RAB3C: variants seen among roughly 807,000 people sequenced by gnomAD.
RAB3C encodes the protein ras-related protein Rab-3C.
Under a neutral mutation model 26.4 loss-of-function variants are expected in RAB3C, and 17 were observed. That is an observed-to-expected ratio of 0.64 (90% CI 0.44 to 0.97). The LOEUF is 0.97. RAB3C is among the 50% of genes least tolerant of loss of function. The probability of loss-of-function intolerance (pLI) is 0.00; values close to 1 mark genes in which losing one functional copy is unlikely to be tolerated. For synonymous variants in RAB3C, 91 were observed against 95.9 expected (o/e 0.95, Z 0.30); for missense variants, 242 against 281.9 (o/e 0.86, Z 1.01).
chr5:58,750,910 A>C (rs1261455108), intron 3 of RAB3C, among the ~76,000 whole-genome samples: 1 of 151,854 alleles, frequency 6.6e-6, no homozygotes, highest in East Asian at 1.9e-4. Flanking sequence ...GCTGGAATGC[A>C]GTGGCGTGAT....
chr5:58,799,435 T>A (rs999294430), intron 3 of RAB3C, among the ~76,000 whole-genome samples: 1 of 152,118 alleles, frequency 6.6e-6, no homozygotes, highest in Non-Finnish European at 1.5e-5. Context: ...GCTTGAGGTG[T>A]CCCAGCTAGT....
intron 3 of RAB3C, chr5:58,794,210 A>G (rs1002561941): frequency 2.6e-5 from 4 of 152,140 alleles, no homozygotes. Context: ...AGAAGTGTAT[A>G]AAACTGTTTT....
At chr5:58,654,570 T>C (rs1003221915) in intron 2 of RAB3C, among the ~76,000 whole-genome samples, 9 of 152,178 alleles carry the variant, frequency 5.9e-5, no homozygotes, top group Non-Finnish European at 1.2e-4. Context: ...GAAATCTTCA[T>C]ATTTAGATGA....
At chr5:58,635,265 T>A (rs292983) in intron 2 of RAB3C, among the ~76,000 whole-genome samples, 112,651 of 152,108 alleles carry the variant, frequency 0.74, 42,038 homozygotes, top group East Asian at 0.83. Context: ...AAGTTTAAGA[T>A]CAAATGCATA....
chr5:58,638,264 G>A (rs1561274950), intron 2 of RAB3C, among the ~76,000 whole-genome samples: 1 of 152,066 alleles, frequency 6.6e-6, no homozygotes, highest in Admixed American at 6.5e-5. Context: ...CTTTTGAGGT[G>A]TCTTTTCATT....
In RAB3C at chr5:58,646,881, C is replaced by T. The variant is rs146143465; in HGVS notation, c.252+29011C>T. Among the ~76,000 whole-genome samples the T allele has an allele frequency of 6.4e-3, 969 of 151,978 alleles. 5 individuals are homozygous for T. Among genetic ancestry groups the T allele is most frequent in the Admixed American group, 0.01 (157 of 15,238 alleles). ...ATTCTCCTCAAGCTGCCCCTTGGCA[C>T]CTTCTGCTGTATAGTTTTAAAGTGT... is the stretch of plus-strand genomic sequence containing the variant. On this transcript the variant is annotated intron_variant, in intron 2 of 4. Coordinates refer to ENST00000282878, the MANE Select transcript of RAB3C (RefSeq NM_138453.4).
At chr5:58,758,431 C>T (rs1741722164) in intron 3 of RAB3C, among the ~76,000 whole-genome samples, 1 of 152,076 alleles carries the variant, frequency 6.6e-6, no homozygotes, top group Admixed American at 6.6e-5. Flanking sequence ...TGTTTTTCCT[C>T]ATATATATAG....
At chr5:58,600,226 T>C (rs1746420935) in intron 1 of RAB3C, among the ~76,000 whole-genome samples, 1 of 152,216 alleles carries the variant, frequency 6.6e-6, no homozygotes, top group Non-Finnish European at 1.5e-5. Context: ...AGTACCATGA[T>C]GTTTTGGTGA....
At chr5:58,752,938 T>C (rs913717434) in intron 3 of RAB3C, among the ~76,000 whole-genome samples, 1 of 152,214 alleles carries the variant, frequency 6.6e-6, no homozygotes, top group East Asian at 1.9e-4. Context: ...TTTATGACAG[T>C]TGGAATGAGA....
rs147530900 is a variant in RAB3C, at chr5:58,588,106, G to C, written c.24+4874G>C. Reference sequence around the variant, plus strand: ...ATATACTTTTAAAATTCATTATCCTGTTTATGAACTTGGAGGTAATTTCTA... The same window carrying C: ...ATATACTTTTAAAATTCATTATCCTCTTTATGAACTTGGAGGTAATTTCTA... On this transcript the variant is annotated intron_variant, in intron 1 of 4. Coordinates refer to ENST00000282878, the MANE Select transcript of RAB3C (RefSeq NM_138453.4). Among the ~76,000 whole-genome samples the C allele has an allele frequency of 4.9e-3, 744 of 152,090 alleles. 6 individuals are homozygous for C. Among genetic ancestry groups the C allele is most frequent in the African/African-American group, 0.017 (704 of 41,486 alleles).
At chr5:58,637,620 G>T (rs1429360724) in intron 2 of RAB3C, among the ~76,000 whole-genome samples, 1 of 152,132 alleles carries the variant, frequency 6.6e-6, no homozygotes, top group Non-Finnish European at 1.5e-5. Flanking sequence ...AGAAAAAGTA[G>T]TTGGAGCTAC....
Position 58,825,095 on chromosome 5 carries a change from C to T in RAB3C, c.429C>T (p.Asn143=), listed in dbSNP as rs1223632243. ...ATGCCCAAGTTATTCTGGTTGGGAA[C>T]AAGTGTGACATGGAAGACGAGCGGG... ...WDNAQVILVG[N]KCDMEDERVI... Residue 143 remains asparagine (N), a synonymous_variant, in exon 4 of 5, where the codon AAC becomes AAT. Coordinates refer to ENST00000282878, the MANE Select transcript of RAB3C (RefSeq NM_138453.4). 1 of 1,613,486 alleles carries T rather than the reference C, an allele frequency of 6.2e-7. No individual in the cohort carries two copies. The highest frequency in any genetic ancestry group is 8.5e-7 in the Non-Finnish European group (1 of 1,179,598).
chr5:58,762,710 C>A (rs1029389895), intron 3 of RAB3C, among the ~76,000 whole-genome samples: 2 of 152,126 alleles, frequency 1.3e-5, no homozygotes, highest in Non-Finnish European at 2.9e-5. Context: ...AAATAAATAA[C>A]TTATTAAATT....
At chr5:58,620,099 A>G (rs430763) in intron 2 of RAB3C, among the ~76,000 whole-genome samples, 35,542 of 151,850 alleles carry the variant, frequency 0.23, 4,316 homozygotes, top group Admixed American at 0.31. Flanking sequence ...AAACCCTTTA[A>G]GTCTATAGAC....
intron 2 of RAB3C, among the ~76,000 whole-genome samples, chr5:58,618,321 A>G (rs1579820094): frequency 2.0e-5 from 3 of 152,188 alleles, no homozygotes; most frequent in Admixed American, 1.3e-4. Context: ...ACAACCAAAT[A>G]TAGGAAAAGT....
intron 1 of RAB3C, among the ~76,000 whole-genome samples, chr5:58,611,275 T>G (rs1220354261): frequency 6.6e-6 from 1 of 152,198 alleles, no homozygotes; most frequent in African/African-American, 2.4e-5. Context: ...CTAATGGCAT[T>G]TCTGTTTTTA....
At chr5:58,845,315 G>A (rs1428773734) in intron 4 of RAB3C, among the ~76,000 whole-genome samples, 2 of 151,970 alleles carry the variant, frequency 1.3e-5, no homozygotes, top group African/African-American at 2.4e-5. Context: ...TCAGGCCTGC[G>A]CCACAGCCAG....
intron 1 of RAB3C, among the ~76,000 whole-genome samples, chr5:58,614,599 G>A (rs1746786313): frequency 6.6e-6 from 1 of 151,902 alleles, no homozygotes; most frequent in African/African-American, 2.4e-5. Context: ...CCAGCTCTGT[G>A]TCCCTCCTAG....
Position 58,583,146 on chromosome 5 carries a change from C to T in RAB3C, c.-63C>T. On this transcript the variant is annotated 5_prime_UTR_variant, in exon 1 of 5. Coordinates refer to ENST00000282878, the MANE Select transcript of RAB3C (RefSeq NM_138453.4). ...TGGAGCGTGGAGCGCCGGGACTGTG[C>T]ACGCTTGACCGGAAGCCCAGACCAG... 1 of 1,612,788 alleles carries T rather than the reference C, an allele frequency of 6.2e-7. No individual in the cohort carries two copies. Among genetic ancestry groups the T allele is most frequent in the Non-Finnish European group, 8.5e-7 (1 of 1,179,656 alleles).
Sources: allele counts gnomAD v4.1 joint callset (sites outside exome capture counted in the v4.1 genomes callset), GRCh38; gene constraint gnomAD v4.1.1; transcripts MANE v1.5; gene names NCBI Gene and HGNC (gene_info 2026-07-23, HGNC 2026-07-21).